Variants in DSCAM observed in about 807,000 individuals in gnomAD.
DSCAM encodes the protein DS cell adhesion molecule.
In DSCAM, 47 loss-of-function variants were observed where a neutral mutation model predicts 217.7. The observed-to-expected ratio is 0.22, with a 90% CI of 0.17 to 0.28. The LOEUF (loss-of-function observed/expected upper bound fraction) is 0.28, where lower values mean the gene tolerates loss of function less well. Among genes scored for constraint, DSCAM ranks in the 10% least tolerant of loss-of-function variants. The pLI, the probability that DSCAM is intolerant of heterozygous loss-of-function variation, is 1.00. For missense variants in DSCAM, 2,080 were observed against 2,618.3 expected, an observed-to-expected ratio of 0.79 and a Z score of 4.49; for synonymous variants, 1,056 against 1,015.3, an observed-to-expected ratio of 1.04 and a Z score of -0.76.
chr21:40,646,614 A>G (rs1294224203), intron 3 of DSCAM, among the ~76,000 whole-genome samples: 2 of 152,110 alleles, frequency 1.3e-5, no homozygotes, highest in African/African-American at 4.8e-5. Context: ...AGAAATAATG[A>G]CTTCCAACAT....
chr21:40,699,598 C>G (rs1418554550), intron 2 of DSCAM, among the ~76,000 whole-genome samples: 2 of 152,124 alleles, frequency 1.3e-5, no homozygotes, highest in Admixed American at 1.3e-4. Flanking sequence ...AACTACCTTA[C>G]TGGTGGTGTG....
intron 3 of DSCAM, among the ~76,000 whole-genome samples, chr21:40,377,928 T>C (rs770829526): frequency 3.9e-5 from 6 of 152,150 alleles, no homozygotes; most frequent in Non-Finnish European, 8.8e-5. Flanking sequence ...GGGAAAATCA[T>C]GATATTAAAT....
chr21:40,771,062 T>C (rs750509830), intron 1 of DSCAM, among the ~76,000 whole-genome samples: 8 of 152,226 alleles, frequency 5.3e-5, no homozygotes, highest in Middle Eastern at 3.4e-3. Context: ...GCTGCCGGAC[T>C]CCAGGGCATG....
At chr21:40,622,661 G>A (rs1005322550) in intron 3 of DSCAM, among the ~76,000 whole-genome samples, 15 of 152,108 alleles carry the variant, frequency 9.9e-5, no homozygotes, top group African/African-American at 3.6e-4. Flanking sequence ...ATACCAGCAC[G>A]AGGGGTCTAG....
intron 3 of DSCAM, among the ~76,000 whole-genome samples, chr21:40,685,744 G>T (rs2090465757): frequency 6.6e-6 from 1 of 152,188 alleles, no homozygotes; most frequent in African/African-American, 2.4e-5. Context: ...AAACCTGAGG[G>T]TGGGCTTGGG....
intron 32 of DSCAM, among the ~76,000 whole-genome samples, chr21:40,041,777 C>CTA (rs1402722899): frequency 6.6e-6 from 1 of 152,162 alleles, no homozygotes; most frequent in African/African-American, 2.4e-5. Flanking sequence ...CAAACACTGA[C>CTA]TATATAGTAA....
intron 20 of DSCAM, among the ~76,000 whole-genome samples, chr21:40,117,148 C>A (rs1380030112): frequency 1.3e-5 from 2 of 151,376 alleles, no homozygotes; most frequent in Non-Finnish European, 2.9e-5. Flanking sequence ...AAGTACATAA[C>A]ACAATTTCTT....
intron 1 of DSCAM, among the ~76,000 whole-genome samples, chr21:40,750,921 C>G (rs1180482453): frequency 2.0e-5 from 3 of 152,200 alleles, no homozygotes; most frequent in Admixed American, 6.5e-5. Context: ...TGACTCCCAC[C>G]TGGAGCCCTC....
chr21:40,662,303 C>T (rs890640332), intron 3 of DSCAM, among the ~76,000 whole-genome samples: 2 of 152,088 alleles, frequency 1.3e-5, no homozygotes, highest in African/African-American at 4.8e-5. Context: ...TTTTAATCCT[C>T]TATCAAAATT....
At chr21:40,170,119 C>T (rs2090639915) in intron 15 of DSCAM, among the ~76,000 whole-genome samples, 1 of 152,184 alleles carries the variant, frequency 6.6e-6, no homozygotes, top group Admixed American at 6.5e-5. Flanking sequence ...CCCTGTGTCC[C>T]AGCCATGTCC....
At chr21:40,676,331 T>G (rs2090337591) in intron 3 of DSCAM, among the ~76,000 whole-genome samples, 1 of 152,172 alleles carries the variant, frequency 6.6e-6, no homozygotes, top group African/African-American at 2.4e-5. Context: ...CCTATCAAAG[T>G]CATGCATCAG....
At chr21:40,707,779 A>G (rs980284947) in intron 2 of DSCAM, among the ~76,000 whole-genome samples, 3 of 152,210 alleles carry the variant, frequency 2.0e-5, no homozygotes, top group Non-Finnish European at 2.9e-5. Flanking sequence ...CTATAGAACC[A>G]CACAATCTGT....
At chr21:40,074,141 G>T (rs1320128776) in intron 27 of DSCAM, among the ~76,000 whole-genome samples, 1 of 152,202 alleles carries the variant, frequency 6.6e-6, no homozygotes, top group African/African-American at 2.4e-5. Context: ...TTTTCTAAAT[G>T]TATCAGTAAA....
At chr21:40,403,660 C>CAA (rs2075257837) in intron 3 of DSCAM, among the ~76,000 whole-genome samples, 1 of 148,396 alleles carries the variant, frequency 6.7e-6, no homozygotes, top group Non-Finnish European at 1.5e-5. Context: ...CACACACACA[C>CAA]ACAATACACA....
chr21:40,702,864 A>G (rs769524869), intron 2 of DSCAM, among the ~76,000 whole-genome samples: 1 of 152,176 alleles, frequency 6.6e-6, no homozygotes, highest in Admixed American at 6.5e-5. Flanking sequence ...ACATTACACA[A>G]CTTCACATAT....
intron 3 of DSCAM, among the ~76,000 whole-genome samples, chr21:40,484,652 A>G (rs1316161759): frequency 6.6e-6 from 1 of 152,092 alleles, no homozygotes; most frequent in Non-Finnish European, 1.5e-5. Context: ...GGTTCCTGCC[A>G]CTGCGTCATC....
intron 3 of DSCAM, among the ~76,000 whole-genome samples, chr21:40,457,255 T>C (rs1202420117): frequency 1.3e-5 from 2 of 152,218 alleles, no homozygotes; most frequent in Non-Finnish European, 2.9e-5. Context: ...CTCACACCTG[T>C]AACCTCAGCA....
intron 3 of DSCAM, among the ~76,000 whole-genome samples, chr21:40,559,142 G>A (rs906215900): frequency 6.6e-6 from 1 of 150,980 alleles, no homozygotes; most frequent in Non-Finnish European, 1.5e-5. Context: ...CCATGAATGA[G>A]CACATTTGGA....
chr21:40,062,863 T>C lies in DSCAM; in HGVS notation c.4919+6A>G. 6.3e-7 allele frequency: 1 copy of C among 1,594,368 alleles called. No individual in the cohort carries two copies. The highest frequency in any genetic ancestry group is 8.5e-7 in the Non-Finnish European group (1 of 1,173,088). On this transcript the variant is annotated splice_donor_region_variant and intron_variant, in intron 28 of 32. Coordinates refer to ENST00000400454, the MANE Select transcript of DSCAM (RefSeq NM_001389.5). ...TGATATCTGGGGTGCTAGGTCTTGT[T>C]CTTACCTCATGAGCATTTCAGCTAA... is the stretch of plus-strand genomic sequence containing the variant.
Sources: allele counts gnomAD v4.1 joint callset (sites outside exome capture counted in the v4.1 genomes callset), GRCh38; gene constraint gnomAD v4.1.1; transcripts MANE v1.5; gene names NCBI Gene and HGNC (gene_info 2026-07-23, HGNC 2026-07-21).